The following ZDHHC11B variants were observed in gnomAD, a reference collection of about 807,000 sequenced individuals.
ZDHHC11B encodes zDHHC palmitoyltransferase 11B (putative), also known as probable palmitoyltransferase ZDHHC11B.
In ZDHHC11B, 17 loss-of-function variants were observed where a neutral mutation model predicts 42.3. That is an observed-to-expected ratio of 0.40 (90% CI 0.27 to 0.60). The LOEUF (loss-of-function observed/expected upper bound fraction) is 0.60. Ranked by LOEUF, ZDHHC11B falls within the 20% of genes least tolerant of loss-of-function variation. ZDHHC11B has a pLI of 0.41. For missense variants in ZDHHC11B, 262 were observed against 463.2 expected (o/e 0.57, Z 3.99); for synonymous variants, 123 against 193.5 (o/e 0.64, Z 3.02).
intron 12 of ZDHHC11B, among the ~76,000 whole-genome samples, chr5:724,190 C>G (rs1160764068): frequency 6.6e-6 from 1 of 151,056 alleles, no homozygotes; most frequent in African/African-American, 2.4e-5. Flanking sequence ...AACACACTTA[C>G]GTGTTCCATC....
Position 711,884 on chromosome 5 carries a change from C to CCAGTACTGTGCTCCCATTTCT in ZDHHC11B, c.*405_*406insAGAAATGGGAGCACAGTACTG, listed in dbSNP as rs1554026594. 58 of 59,994 alleles carry CCAGTACTGTGCTCCCATTTCT rather than the reference C, an allele frequency of 9.7e-4. 11 individuals are homozygous for CCAGTACTGTGCTCCCATTTCT. Among genetic ancestry groups the CCAGTACTGTGCTCCCATTTCT allele is most frequent in the African/African-American group, 1.2e-3 (15 of 12,902 alleles). 3.7% of individuals were successfully genotyped at this position (59,994 alleles called of 1,614,324 possible). ...TTTCCCAGTACTATGCTCCCATTTC[C>CCAGTACTGTGCTCCCATTTCT]CAGTACTGTGCTCACAGGTGTGAGC... On this transcript the variant is annotated 3_prime_UTR_variant, in exon 14 of 14. Coordinates refer to ENST00000508859, the MANE Select transcript of ZDHHC11B (RefSeq NM_001351303.2).
chr5:773,388 G>A (rs1171758773), intron 1 of ZDHHC11B, among the ~76,000 whole-genome samples: 1 of 151,906 alleles, frequency 6.6e-6, no homozygotes, highest in Non-Finnish European at 1.5e-5. Context: ...TAGCAGAAGA[G>A]ACTCCAGGAA....
intron 1 of ZDHHC11B, among the ~76,000 whole-genome samples, chr5:778,194 AC>A: frequency 6.6e-6 from 1 of 151,748 alleles, no homozygotes; most frequent in South Asian, 2.1e-4. Context: ...ACCCGGGCCA[AC>A]ACCATTTCTC....
At chr5:739,485 A>G (rs1310219174) in intron 10 of ZDHHC11B, among the ~76,000 whole-genome samples, 1 of 150,926 alleles carries the variant, frequency 6.6e-6, no homozygotes, top group Non-Finnish European at 1.5e-5. Flanking sequence ...AACAGAAGAT[A>G]TACAAATGGC....
rs1002738103 is a variant in ZDHHC11B at position 762,883 on chromosome 5, A to C, written c.222+3815T>G. Among the ~76,000 whole-genome samples, 15 of 151,742 alleles carry C rather than the reference A, an allele frequency of 9.9e-5. 1 individual carries two copies. Among genetic ancestry groups the C allele is most frequent in the African/African-American group, 3.6e-4 (15 of 41,274 alleles). ...ATAATTAAAAAGCTGACTCTTTTCA[A>C]GATCAATAAAAGGGATAAGCCCCAG... On this transcript the variant is annotated intron_variant, in intron 4 of 13. Coordinates refer to ENST00000508859, the MANE Select transcript of ZDHHC11B (RefSeq NM_001351303.2).
chr5:766,500 G>C (rs1211172801), intron 4 of ZDHHC11B, among the ~76,000 whole-genome samples, 198 bp downstream of exon 4: 5 of 151,852 alleles, frequency 3.3e-5, no homozygotes, highest in Non-Finnish European at 5.9e-5. Flanking sequence ...GGGGTCAGCA[G>C]CTGTCCTGAC....
At chr5:754,483 AG>A (rs1746306716) in intron 6 of ZDHHC11B, among the ~76,000 whole-genome samples, 1 of 120,470 alleles carries the variant, frequency 8.3e-6, no homozygotes, top group African/African-American at 2.8e-5. Context: ...CACCGTGCTC[AG>A]GGAAACATCT....
At chr5:750,668 G>A (rs1745492771) in intron 7 of ZDHHC11B, among the ~76,000 whole-genome samples, 1 of 124,256 alleles carries the variant, frequency 8.0e-6, no homozygotes, top group Non-Finnish European at 1.8e-5. Flanking sequence ...CGAGGCCCAG[G>A]CTCCGGGCCC....
chr5:775,844 C>CA (rs1736429796), intron 1 of ZDHHC11B, among the ~76,000 whole-genome samples: 1 of 150,962 alleles, frequency 6.6e-6, no homozygotes, highest in Admixed American at 6.6e-5. Context: ...CGCTGTGTTG[C>CA]AAGCTGACTG....
At chr5:777,190 T>C (rs1405187903) in intron 1 of ZDHHC11B, among the ~76,000 whole-genome samples, 1 of 151,934 alleles carries the variant, frequency 6.6e-6, no homozygotes, top group Admixed American at 6.6e-5. Context: ...GTTCGTGGTC[T>C]CGCTGACTTT....
At chr5:754,265 G>C (rs74693477) in intron 6 of ZDHHC11B, among the ~76,000 whole-genome samples, 14 of 35,122 alleles carry the variant, frequency 4.0e-4, no homozygotes, top group Non-Finnish European at 6.2e-4. Flanking sequence ...AACACCTCTC[G>C]TCTATGAGCC....
intron 4 of ZDHHC11B, among the ~76,000 whole-genome samples, chr5:766,414 T>C (rs1375859964): frequency 2.6e-5 from 4 of 151,840 alleles, no homozygotes; most frequent in Admixed American, 2.0e-4. Flanking sequence ...CCCTGAGCCA[T>C]GTGGGAGCGG....
rs1161954201 is a variant in ZDHHC11B, at chr5:733,895, G to A, written c.936-56C>T. The A allele has an allele frequency of 8.8e-6, 13 of 1,477,712 alleles. No individual in the cohort carries two copies. In the Admixed American group the frequency reaches 1.9e-4, roughly 21 times the overall value. The allele number at this position is 1,477,712 out of a possible 1,614,324, so 91.5% of individuals were successfully genotyped here. On this transcript the variant is annotated intron_variant, in intron 10 of 13. Transcript: ENST00000508859. ...ATCTCAGCTTTGTGGGGGGGCTCAG[G>A]GTGGCACTGGAGGCTGCACCGCGTC...
intron 4 of ZDHHC11B, among the ~76,000 whole-genome samples, chr5:758,641 T>C (rs1413939902): frequency 6.6e-6 from 1 of 151,556 alleles, no homozygotes; most frequent in Admixed American, 6.6e-5. Context: ...CCTGAAGGCG[T>C]CCACCCAGAA....
At chr5:733,884 G>A (rs758331150) in intron 10 of ZDHHC11B, 45 bp from the exon 11 acceptor site, 4 of 1,524,116 alleles carry the variant, frequency 2.6e-6, no homozygotes, top group Non-Finnish European at 3.6e-6. Context: ...CAGCTTTGTG[G>A]GGGGGCTCAG....
rs547996752 is a variant in ZDHHC11B at position 742,342 on chromosome 5, T to G, written c.901-714A>C. ...GTTTATGTTTTTGTTTGTTTGTTGT[T>G]TTTTTACAATTGCACTTTGAAAGCT... On this transcript the variant is annotated intron_variant, in intron 9 of 13. Coordinates refer to ENST00000508859, the MANE Select transcript of ZDHHC11B (RefSeq NM_001351303.2). Among the ~76,000 whole-genome samples, 8 of 147,026 alleles carry G rather than the reference T, an allele frequency of 5.4e-5. No homozygotes were observed. The South Asian group carries it at 1.9e-3, about 35-fold the overall frequency.
chr5:758,536 C>G (rs1205373001), intron 4 of ZDHHC11B, among the ~76,000 whole-genome samples: 1 of 151,734 alleles, frequency 6.6e-6, no homozygotes, highest in Non-Finnish European at 1.5e-5. Context: ...CAGGGCTGTC[C>G]TGAGCCTGAA....
In ZDHHC11B at chr5:775,458, T is replaced by A. The variant is rs1736397974; in HGVS notation, c.-229-6528A>T. Among the ~76,000 whole-genome samples the A allele has an allele frequency of 2.6e-5, 4 of 151,934 alleles. No homozygotes were observed. In the South Asian group the frequency reaches 8.3e-4, roughly 32 times the overall value. ...ACTCTGTGATGGCAGCCAACTGGAT[T>A]CCACCAGAACCCGAAGGCAAGCATT... is the stretch of plus-strand genomic sequence containing the variant. On this transcript the variant is annotated intron_variant, in intron 1 of 13. Coordinates refer to ENST00000508859, the MANE Select transcript of ZDHHC11B (RefSeq NM_001351303.2).
At position 730,472 on chromosome 5, in the gene ZDHHC11B, TG is replaced by T; in HGVS notation, c.1024-5del. 3.2e-6 allele frequency: 5 copies of T among 1,554,776 alleles called. No individual in the cohort carries two copies. The South Asian group carries it at 3.8e-5, about 12-fold the overall frequency. ...TACTCGGGGCATCATCTGCTTCCTG[TG>T]GGGGGAAGGGAAGCAAAATTCTTAG... On this transcript the variant is annotated splice_polypyrimidine_tract_variant and splice_region_variant and intron_variant, in intron 11 of 13. Transcript: ENST00000508859.
Sources: allele counts gnomAD v4.1 joint callset (sites outside exome capture counted in the v4.1 genomes callset), GRCh38; gene constraint gnomAD v4.1.1; transcripts MANE v1.5; gene names NCBI Gene and HGNC (gene_info 2026-07-23, HGNC 2026-07-21).